The following GRIK1 variants were observed in gnomAD, a reference collection of about 807,000 sequenced individuals.
GRIK1 encodes the protein glutamate receptor ionotropic, kainate 1.
Under a neutral mutation model 105.7 loss-of-function variants are expected in GRIK1, and 69 were observed. The ratio of observed to expected loss-of-function variants is 0.65; its 90% CI spans 0.54 to 0.80. The LOEUF (loss-of-function observed/expected upper bound fraction) is 0.80. Among genes scored for constraint, GRIK1 ranks in the 30% least tolerant of loss-of-function variants. The probability of loss-of-function intolerance (pLI) is 0.00; values close to 1 mark genes in which losing one functional copy is unlikely to be tolerated. For missense variants in GRIK1, 1,109 were observed against 1,167.3 expected, an observed-to-expected ratio of 0.95 and a Z score of 0.73; for synonymous variants, 438 against 431.3, an observed-to-expected ratio of 1.02 and a Z score of -0.19.
At chr21:29,691,952 G>A (rs2063591990) in intron 2 of GRIK1, among the ~76,000 whole-genome samples, 1 of 152,146 alleles carries the variant, frequency 6.6e-6, no homozygotes, top group African/African-American at 2.4e-5. Context: ...AACTGTCATT[G>A]TCTTCAGAAG....
chr21:29,847,962 C>T (rs980755863), intron 1 of GRIK1, among the ~76,000 whole-genome samples: 1 of 152,018 alleles, frequency 6.6e-6, no homozygotes, highest in Non-Finnish European at 1.5e-5. Flanking sequence ...TATGTGTATA[C>T]ACATAAAATT....
intron 1 of GRIK1, among the ~76,000 whole-genome samples, chr21:29,755,339 G>A (rs1455766817): frequency 1.3e-5 from 2 of 152,226 alleles, no homozygotes; most frequent in African/African-American, 4.8e-5. Flanking sequence ...GGGAAAGGGA[G>A]AACTTAGGGA....
At chr21:29,882,520 C>T (rs1205517016) in intron 1 of GRIK1, among the ~76,000 whole-genome samples, 1 of 152,054 alleles carries the variant, frequency 6.6e-6, no homozygotes, top group East Asian at 1.9e-4. Flanking sequence ...GAATTCTGTG[C>T]TCTCACAATG....
At chr21:29,687,469 C>T (rs1242656957) in intron 3 of GRIK1, among the ~76,000 whole-genome samples, 1 of 152,080 alleles carries the variant, frequency 6.6e-6, no homozygotes, top group East Asian at 1.9e-4. Context: ...CTCTGGGTTC[C>T]AATTTAATGG....
chr21:29,598,794 TTTG>T, intron 8 of GRIK1, 33 bp downstream of exon 8: 1 of 932,616 alleles, frequency 1.1e-6, no homozygotes, highest in Non-Finnish European at 1.7e-6. Context: ...ACAATGTTCA[TTTG>T]TTATTTTATT....
At chr21:29,869,640 T>C (rs531817550) in intron 1 of GRIK1, among the ~76,000 whole-genome samples, 1 of 152,336 alleles carries the variant, frequency 6.6e-6, no homozygotes, top group African/African-American at 2.4e-5. Flanking sequence ...AAGCAGTGTG[T>C]ATCCTAGCGT....
chr21:29,586,148 T>G (rs2091126816), intron 12 of GRIK1, among the ~76,000 whole-genome samples: 1 of 152,254 alleles, frequency 6.6e-6, no homozygotes, highest in African/African-American at 2.4e-5. Flanking sequence ...CAATATTTTA[T>G]TTTCTGAAGT....
In GRIK1 at chr21:29,767,855, C is replaced by T. The variant is rs530458915; in HGVS notation, c.119-73792G>A. On this transcript the variant is annotated intron_variant, in intron 1 of 17. Coordinates refer to ENST00000327783, the MANE Select transcript of GRIK1 (RefSeq NM_001330994.2). ...GTTTGTGTGTGTGTGTTCTCCTCAG[C>T]TGAAATTCATGTGTGTGTGTGTGTG... 2.1e-5 allele frequency among the ~76,000 whole-genome samples: 3 copies of T among 144,378 alleles called. No homozygotes were observed. In the South Asian group the frequency reaches 6.8e-4, roughly 33 times the overall value. 94.7% of individuals were successfully genotyped at this position (144,378 alleles called of 152,430 possible).
At chr21:29,619,504 C>T (rs150231482) in intron 7 of GRIK1, among the ~76,000 whole-genome samples, 8 of 151,958 alleles carry the variant, frequency 5.3e-5, no homozygotes, top group East Asian at 1.9e-4. Flanking sequence ...AGGGGGTGAG[C>T]GGTAAAATAC....
chr21:29,692,865 G>A (rs563353916), intron 2 of GRIK1, among the ~76,000 whole-genome samples: 31 of 152,268 alleles, frequency 2.0e-4, no homozygotes, highest in African/African-American at 6.5e-4. Context: ...GAGCCACTGC[G>A]CCCTGCTATG....
chr21:29,654,511 T>A (rs891041880), intron 5 of GRIK1, among the ~76,000 whole-genome samples: 1 of 152,212 alleles, frequency 6.6e-6, no homozygotes, highest in Non-Finnish European at 1.5e-5. Flanking sequence ...ATGTTTTTTA[T>A]GAATAGTTTT....
In GRIK1 at chr21:29,777,363, G is replaced by A. The variant is rs183286032; in HGVS notation, c.119-83300C>T. Among the ~76,000 whole-genome samples the A allele has an allele frequency of 2.6e-4, 40 of 152,264 alleles. 1 individual carries two copies. The East Asian group carries it at 5.0e-3, about 19-fold the overall frequency. On this transcript the variant is annotated intron_variant, in intron 1 of 17. Transcript: ENST00000327783. ...ATTAATCATTAACAAGGTCCCAGTC[G>A]TTGCTTAGGCTATTAGTCAAGGGAC...
intron 7 of GRIK1, among the ~76,000 whole-genome samples, chr21:29,626,317 C>A (rs1453606752): frequency 6.6e-6 from 1 of 152,050 alleles, no homozygotes; most frequent in Non-Finnish European, 1.5e-5. Context: ...GGGCAGAGTC[C>A]CATGCTTTAA....
At chr21:29,778,611 A>G (rs2066008010) in intron 1 of GRIK1, among the ~76,000 whole-genome samples, 2 of 152,160 alleles carry the variant, frequency 1.3e-5, no homozygotes, top group Non-Finnish European at 2.9e-5. Context: ...CCAACAACCA[A>G]CCATGTTTTA....
chr21:29,661,019 A>T (rs1349955855), intron 4 of GRIK1, among the ~76,000 whole-genome samples: 2 of 151,742 alleles, frequency 1.3e-5, no homozygotes, highest in Non-Finnish European at 2.9e-5. Context: ...TTTAGGCTGC[A>T]TCTATACTAT....
At chr21:29,645,351 A>G (rs2062596132) in intron 6 of GRIK1, among the ~76,000 whole-genome samples, 1 of 152,222 alleles carries the variant, frequency 6.6e-6, no homozygotes, top group Non-Finnish European at 1.5e-5. Context: ...TCAATAGGAT[A>G]TACTTTTTTG....
intron 1 of GRIK1, among the ~76,000 whole-genome samples, chr21:29,912,503 G>T (rs955982828): frequency 2.6e-5 from 4 of 152,010 alleles, no homozygotes; most frequent in African/African-American, 9.7e-5. Context: ...CCCCTCTCAG[G>T]TTTATTCTCC....
intron 1 of GRIK1, among the ~76,000 whole-genome samples, chr21:29,735,631 T>C (rs1038772377): frequency 6.6e-6 from 1 of 152,098 alleles, no homozygotes; most frequent in Non-Finnish European, 1.5e-5. Context: ...GCACGGTTGC[T>C]CAGGACTGTA....
chr21:29,791,574 G>A (rs2066419343), intron 1 of GRIK1, among the ~76,000 whole-genome samples: 1 of 152,162 alleles, frequency 6.6e-6, no homozygotes, highest in Admixed American at 6.5e-5. Context: ...CACGCATGAT[G>A]TTGAACTGTA....
Sources: allele counts gnomAD v4.1 joint callset (sites outside exome capture counted in the v4.1 genomes callset), GRCh38; gene constraint gnomAD v4.1.1; transcripts MANE v1.5; gene names NCBI Gene and HGNC (gene_info 2026-07-23, HGNC 2026-07-21).